Variants in INO80D observed in about 807,000 individuals in gnomAD.
INO80D encodes the protein INO80 complex subunit D.
A neutral mutation model predicts 87.6 loss-of-function variants in INO80D; 21 were observed. That is an observed-to-expected ratio of 0.24 (90% CI 0.17 to 0.35). The LOEUF (loss-of-function observed/expected upper bound fraction) is 0.35, where lower values mean the gene tolerates loss of function less well. Ranked by LOEUF, INO80D falls within the 10% of genes least tolerant of loss-of-function variation. The pLI, the probability that INO80D is intolerant of heterozygous loss-of-function variation, is 1.00. For missense variants in INO80D, 982 were observed against 1,280.7 expected, an observed-to-expected ratio of 0.77 and a Z score of 3.56; for synonymous variants, 440 against 491.0, an observed-to-expected ratio of 0.90 and a Z score of 1.37.
intron 4 of INO80D, among the ~76,000 whole-genome samples, chr2:206,048,511 G>A (rs1407821413): frequency 1.3e-5 from 2 of 152,136 alleles, no homozygotes; most frequent in African/African-American, 4.8e-5. Flanking sequence ...GCAATTACAT[G>A]CATGAGCCAC....
intron 5 of INO80D, among the ~76,000 whole-genome samples, chr2:206,038,311 T>C (rs1237203025): frequency 6.6e-6 from 1 of 152,224 alleles, no homozygotes; most frequent in Non-Finnish European, 1.5e-5. Flanking sequence ...GGTATAAAGA[T>C]GAATAAATTG....
At chr2:206,075,202 C>A (rs752076838) in intron 1 of INO80D, among the ~76,000 whole-genome samples, 4 of 152,158 alleles carry the variant, frequency 2.6e-5, no homozygotes, top group Non-Finnish European at 5.9e-5. Flanking sequence ...CAGCCAGCAG[C>A]CCTTTCAGTC....
chr2:206,065,208 T>G (rs1238435903), intron 1 of INO80D, among the ~76,000 whole-genome samples: 1 of 152,172 alleles, frequency 6.6e-6, no homozygotes, highest in Non-Finnish European at 1.5e-5. Flanking sequence ...CGGTGGCTCA[T>G]GCCTGTAATC....
intron 1 of INO80D, among the ~76,000 whole-genome samples, chr2:206,072,846 CTTTT>C (rs35269123): frequency 3.5e-5 from 5 of 143,880 alleles, no homozygotes; most frequent in Admixed American, 2.8e-4. Context: ...ACTTTCTTCT[CTTTT>C]TTTTTTTTTT....
chr2:206,056,278 G>A lies in INO80D; in HGVS notation c.884C>T (p.Ser295Leu), dbSNP rs1454495395. 2 of 1,613,958 alleles carry A rather than the reference G, an allele frequency of 1.2e-6. No individual in the cohort carries two copies. The highest frequency in any genetic ancestry group is 1.7e-4 in the Middle Eastern group (1 of 6,060). Residue 295 changes from serine (S) to leucine (L), a missense_variant, in exon 4 of 11, where the codon TCA becomes TTA. By Grantham distance (145) the Ser-to-Leu change is moderately radical. Transcript: ENST00000403263. ...CAGTCTCTGCAGTCGGCTTATACAT[G>A]AGAAGTGTGGAGAGAAGGCTGTGGC... ...MKATAFSPHF[S>L]CISRLQRLVK...
chr2:206,019,346 G>A (rs1460944783), intron 7 of INO80D, among the ~76,000 whole-genome samples: 6 of 152,156 alleles, frequency 3.9e-5, no homozygotes, highest in Non-Finnish European at 8.8e-5. Flanking sequence ...ACAGGAAAAA[G>A]TTCTGTAAAA....
At chr2:206,035,326 A>G (rs1047965479) in intron 5 of INO80D, among the ~76,000 whole-genome samples, 1 of 152,144 alleles carries the variant, frequency 6.6e-6, no homozygotes, top group African/African-American at 2.4e-5. Context: ...GCAACACACT[A>G]CCTGATTTCA....
Position 206,005,457 on chromosome 2 carries a change from G to T in INO80D, c.1995C>A (p.Leu665=). ...LERALQAVTS[L]ECLSTIGVLA... Reference sequence around the variant, plus strand: ...GGACCCCAATGGTACTCAGGCACTCGAGAGAAGTTACAGCCTGCAAGGCCC... The same window carrying T: ...GGACCCCAATGGTACTCAGGCACTCTAGAGAAGTTACAGCCTGCAAGGCCC... The change falls in exon 11 of 11, where the codon CTC becomes CTA. Residue 665 remains leucine (L), a synonymous_variant. Transcript: ENST00000403263. 1.9e-6 allele frequency: 3 copies of T among 1,613,912 alleles called. No individual in the cohort carries two copies. Among genetic ancestry groups the T allele is most frequent in the Non-Finnish European group, 2.5e-6 (3 of 1,179,882 alleles).
At position 206,001,301 on chromosome 2, in the gene INO80D, C is replaced by T. The variant is rs1407502133; in HGVS notation, c.*3067G>A. On this transcript the variant is annotated 3_prime_UTR_variant, in exon 11 of 11. Coordinates refer to ENST00000403263, the MANE Select transcript of INO80D (RefSeq NM_017759.5). ...TAGAATGGAATTCAGATTCTCAGAGCACAGAATGTATCCATTAACTGCAGC... is the reference window on the plus strand; with the variant it reads ...TAGAATGGAATTCAGATTCTCAGAGTACAGAATGTATCCATTAACTGCAGC... 1 of 152,162 alleles carries T rather than the reference C, an allele frequency of 6.6e-6. No homozygotes were observed. The highest frequency in any genetic ancestry group is 2.4e-5 in the African/African-American group (1 of 41,432). The allele number at this position is 152,162 out of a possible 1,614,324, so 9.4% of individuals were successfully genotyped here. A position where few individuals can be genotyped will look rare whatever the true frequency, so the allele number is the denominator to read the frequency against.
chr2:206,009,928 C>T, intron 8 of INO80D, 134 bp from the exon 9 acceptor site: 1 of 663,112 alleles, frequency 1.5e-6, no homozygotes, highest in South Asian at 2.1e-5. Context: ...CTATGTATAA[C>T]AATAATGAAG....
In INO80D at chr2:206,056,344, G is replaced by T. The variant is rs781306926; in HGVS notation, c.818C>A (p.Pro273His). ...GTCAGTCCTGGGTGGGTCCACAGTG[G>T]GAGCCCTACTGGATGGCAGGAGGGG... ...PLPLLPSSRA[P>H]TVDPPRTDRI... Residue 273 changes from proline to histidine, a missense_variant, in exon 4 of 11, where the codon CCC becomes CAC. Pro to His is a moderately conservative substitution (Grantham distance 77, BLOSUM62 -2). Transcript: ENST00000403263. 6.2e-7 allele frequency: 1 copy of T among 1,613,850 alleles called. No individual in the cohort carries two copies. Among genetic ancestry groups the T allele is most frequent in the Non-Finnish European group, 8.5e-7 (1 of 1,179,880 alleles).
chr2:206,059,250 G>A (rs1446110694), intron 3 of INO80D, among the ~76,000 whole-genome samples: 7 of 151,894 alleles, frequency 4.6e-5, no homozygotes, highest in South Asian at 2.1e-4. Flanking sequence ...GTGTGGTGGT[G>A]TGCGCCTGTA....
intron 1 of INO80D, among the ~76,000 whole-genome samples, chr2:206,078,407 C>A (rs1690182268): frequency 6.6e-6 from 1 of 152,078 alleles, no homozygotes; most frequent in Non-Finnish European, 1.5e-5. Flanking sequence ...CACAGCGAGA[C>A]TCCATCTCAA....
At chr2:206,012,481 AC>A (rs1436027457) in intron 8 of INO80D, among the ~76,000 whole-genome samples, 1 of 152,182 alleles carries the variant, frequency 6.6e-6, no homozygotes, top group African/African-American at 2.4e-5. Context: ...CAATTAGGAG[AC>A]TATTACAATA....
chr2:206,045,208 T>C (rs942271828), intron 5 of INO80D, among the ~76,000 whole-genome samples: 11 of 152,288 alleles, frequency 7.2e-5, no homozygotes, highest in African/African-American at 2.6e-4. Flanking sequence ...TCCTGTGTAG[T>C]TTTGTTTAGT....
chr2:206,050,496 GAAAAAAAAAAAA>G (rs3079265), intron 4 of INO80D, among the ~76,000 whole-genome samples: 3,144 of 99,730 alleles, frequency 0.032, 44 homozygotes, highest in African/African-American at 0.099. Flanking sequence ...CGTCTCAAAA[GAAAAAAAAAAAA>G]AAAAAAAAAA....
chr2:206,044,476 C>T (rs898120629), intron 5 of INO80D, among the ~76,000 whole-genome samples: 1 of 113,700 alleles, frequency 8.8e-6, no homozygotes, highest in Non-Finnish European at 1.8e-5. Context: ...AGGATAAATA[C>T]CTGTTAAAAA....
In INO80D at chr2:206,000,261, G is replaced by A. The variant is rs568076032; in HGVS notation, c.*4107C>T. 5.3e-5 allele frequency: 8 copies of A among 151,932 alleles called. No homozygotes were observed. The East Asian group carries it at 1.5e-3, about 29-fold the overall frequency. 9.4% of individuals were successfully genotyped at this position (151,932 alleles called of 1,614,324 possible). A position where few individuals can be genotyped will look rare whatever the true frequency, so the allele number is the denominator to read the frequency against. On this transcript the variant is annotated 3_prime_UTR_variant, in exon 11 of 11. Transcript: ENST00000403263. ...TAATGAATTTCAAACCTCTTAATAAGTTTAGTGTTCATATACTCATCTTTT... is the reference window on the plus strand; with the variant it reads ...TAATGAATTTCAAACCTCTTAATAAATTTAGTGTTCATATACTCATCTTTT...
In INO80D at chr2:206,053,885, G is replaced by A. The variant is rs185903629; in HGVS notation, c.964+2313C>T. On this transcript the variant is annotated intron_variant, in intron 4 of 10. Coordinates refer to ENST00000403263, the MANE Select transcript of INO80D (RefSeq NM_017759.5). The stretch of plus-strand genomic sequence containing the variant: ...ATGGAGTTTCGCTCTTGTTGCCCAA[G>A]CTGGAGTACAATGGCACAATCTCCG... 4.2e-4 allele frequency among the ~76,000 whole-genome samples: 63 copies of A among 150,034 alleles called. No individual in the cohort carries two copies. In the East Asian group the frequency reaches 0.011, roughly 26 times the overall value.
Sources: gnomAD v4.1 joint callset for allele counts (sites outside exome capture counted in the v4.1 genomes callset) on GRCh38, gnomAD v4.1.1 for gene constraint, MANE v1.5 for transcripts, NCBI Gene and HGNC (gene_info 2026-07-23, HGNC 2026-07-21) for gene names.